CADPS: variants seen among roughly 807,000 people sequenced by gnomAD.
CADPS encodes the protein calcium dependent secretion activator.
Under a neutral mutation model 167.3 loss-of-function variants are expected in CADPS, and 57 were observed. The observed-to-expected ratio is 0.34, with a 90% CI of 0.28 to 0.42. CADPS has a LOEUF of 0.42. Among genes scored for constraint, CADPS ranks in the 20% least tolerant of loss-of-function variants. The pLI is 1.00. For synonymous variants in CADPS, 676 were observed against 635.3 expected (o/e 1.06, Z -0.96); for missense variants, 1,414 against 1,738.1 (o/e 0.81, Z 3.32).
At chr3:62,597,959 T>C (rs2059158845) in intron 6 of CADPS, among the ~76,000 whole-genome samples, 1 of 152,034 alleles carries the variant, frequency 6.6e-6, no homozygotes, top group Admixed American at 6.6e-5. Context: ...AAATAAAAAA[T>C]GCAGATCTCC....
At chr3:62,737,520 T>G (rs1034911969) in intron 3 of CADPS, among the ~76,000 whole-genome samples, 1 of 151,852 alleles carries the variant, frequency 6.6e-6, no homozygotes, top group Non-Finnish European at 1.5e-5. Flanking sequence ...AAGAGTCATA[T>G]CAAGATTCTA....
At chr3:62,630,126 T>C (rs1329204481) in intron 6 of CADPS, among the ~76,000 whole-genome samples, 1 of 152,192 alleles carries the variant, frequency 6.6e-6, no homozygotes, top group Non-Finnish European at 1.5e-5. Flanking sequence ...TCTTGCTAAT[T>C]GGTGTATCCC....
At chr3:62,633,223 C>T (rs1182882429) in intron 6 of CADPS, among the ~76,000 whole-genome samples, 1 of 152,134 alleles carries the variant, frequency 6.6e-6, no homozygotes, top group Non-Finnish European at 1.5e-5. Context: ...GTGTCTTGAA[C>T]CTGTCCCTCT....
intron 14 of CADPS, among the ~76,000 whole-genome samples, chr3:62,516,956 A>C (rs1274694366): frequency 6.6e-6 from 1 of 152,138 alleles, no homozygotes; most frequent in Non-Finnish European, 1.5e-5. Flanking sequence ...ATGTGACCTT[A>C]TATGTTATTA....
At chr3:62,873,186 G>C (rs2153225175) in intron 1 of CADPS, among the ~76,000 whole-genome samples, 1 of 152,356 alleles carries the variant, frequency 6.6e-6, no homozygotes, top group East Asian at 1.9e-4. Flanking sequence ...CCAAGCTCGT[G>C]ATGGCTGAAA....
chr3:62,804,114 C>T (rs1230443592), intron 1 of CADPS, among the ~76,000 whole-genome samples: 1 of 152,100 alleles, frequency 6.6e-6, no homozygotes, highest in African/African-American at 2.4e-5. Context: ...TATTAATTTG[C>T]TTGCTTACTT....
chr3:62,691,311 T>C (rs949188076), intron 3 of CADPS, among the ~76,000 whole-genome samples: 1 of 152,020 alleles, frequency 6.6e-6, no homozygotes, highest in East Asian at 1.9e-4. Flanking sequence ...CGAACCCTAA[T>C]GTAAACCATG....
At chr3:62,426,595 T>A (rs899445922) in intron 28 of CADPS, among the ~76,000 whole-genome samples, 1 of 152,250 alleles carries the variant, frequency 6.6e-6, no homozygotes, top group African/African-American at 2.4e-5. Flanking sequence ...AAAAGCTACC[T>A]ACTGTTTTTA....
intron 28 of CADPS, among the ~76,000 whole-genome samples, chr3:62,423,519 T>G (rs920744181): frequency 6.6e-6 from 1 of 152,216 alleles, no homozygotes; most frequent in Non-Finnish European, 1.5e-5. Flanking sequence ...AAGCACATAT[T>G]TGAATAGTGT....
chr3:62,616,793 A>C (rs977111068), intron 6 of CADPS, among the ~76,000 whole-genome samples: 1 of 152,208 alleles, frequency 6.6e-6, no homozygotes, highest in African/African-American at 2.4e-5. Flanking sequence ...AAGGCTGAGG[A>C]AAGTTTTCGT....
chr3:62,857,886 TA>T, intron 1 of CADPS, among the ~76,000 whole-genome samples: 1 of 152,272 alleles, frequency 6.6e-6, no homozygotes, highest in South Asian at 2.1e-4. Context: ...TACTTTATGC[TA>T]AAACATGATT....
intron 6 of CADPS, among the ~76,000 whole-genome samples, chr3:62,636,387 C>T (rs2066306534): frequency 2.0e-5 from 3 of 152,162 alleles, no homozygotes; most frequent in Admixed American, 2.0e-4. Flanking sequence ...TAAAGACTGC[C>T]TGAAATAGCT....
At position 62,785,338 on chromosome 3, in the gene CADPS, T is replaced by A. The variant is rs550620290; in HGVS notation, c.442-19354A>T. ...GTAACTTTCCCACCATGATCATGTTTCATCTCAACCTCCTAGCACTGTGAG... is the reference window on the plus strand; with the variant it reads ...GTAACTTTCCCACCATGATCATGTTACATCTCAACCTCCTAGCACTGTGAG... On this transcript the variant is annotated intron_variant, in intron 1 of 29. Coordinates refer to ENST00000383710, the MANE Select transcript of CADPS (RefSeq NM_003716.4). Among the ~76,000 whole-genome samples the A allele has an allele frequency of 4.6e-5, 7 of 152,334 alleles. No homozygotes were observed. The South Asian group carries it at 1.4e-3, about 32-fold the overall frequency.
chr3:62,726,917 C>T (rs942509536), intron 3 of CADPS, among the ~76,000 whole-genome samples: 2 of 151,616 alleles, frequency 1.3e-5, no homozygotes, highest in African/African-American at 4.9e-5. Context: ...GGTTTTTGCA[C>T]GCATCTCTTT....
chr3:62,747,814 T>C (rs575783769), intron 3 of CADPS, among the ~76,000 whole-genome samples: 10 of 152,246 alleles, frequency 6.6e-5, no homozygotes, highest in East Asian at 1.9e-4. Flanking sequence ...CTGCTGCCAG[T>C]TGGGCACATG....
chr3:62,526,838 T>C (rs1464141273), intron 13 of CADPS, among the ~76,000 whole-genome samples: 2 of 152,190 alleles, frequency 1.3e-5, no homozygotes, highest in East Asian at 3.9e-4. Flanking sequence ...TTTTAACTCA[T>C]GAAGTTTGGG....
In CADPS at chr3:62,859,222, A is replaced by G. The variant is rs141292953; in HGVS notation, c.441+15367T>C. Among the ~76,000 whole-genome samples, 680 of 152,276 alleles carry G rather than the reference A, an allele frequency of 4.5e-3. 6 individuals carry two copies. Among genetic ancestry groups the G allele is most frequent in the African/African-American group, 0.016 (645 of 41,552 alleles). ...GTGATTCTTACACTATAATTTATTT[A>G]TTGCCAGGTCATAAGGAAGTAAACA... On this transcript the variant is annotated intron_variant, in intron 1 of 29. Coordinates refer to ENST00000383710, the MANE Select transcript of CADPS (RefSeq NM_003716.4).
rs371451431 is a variant in CADPS, at chr3:62,855,888, T to G, written c.441+18701A>C. Among the ~76,000 whole-genome samples, 6 of 152,324 alleles carry G rather than the reference T, an allele frequency of 3.9e-5. No individual in the cohort carries two copies. In the East Asian group the frequency reaches 1.2e-3, roughly 29 times the overall value. On this transcript the variant is annotated intron_variant, in intron 1 of 29. Coordinates refer to ENST00000383710, the MANE Select transcript of CADPS (RefSeq NM_003716.4). ...AAAACTCCTTTAGATTTTTATACTTTTTCCCTAAAAATTTTATTGTAGTTT... is the reference window on the plus strand; with the variant it reads ...AAAACTCCTTTAGATTTTTATACTTGTTCCCTAAAAATTTTATTGTAGTTT...
chr3:62,697,285 C>A (rs1206621830), intron 3 of CADPS, among the ~76,000 whole-genome samples: 1 of 151,864 alleles, frequency 6.6e-6, no homozygotes, highest in Non-Finnish European at 1.5e-5. Context: ...CCCCTGAGTC[C>A]CCAAAATCCA....
Sources: allele counts gnomAD v4.1 joint callset (sites outside exome capture counted in the v4.1 genomes callset), GRCh38; gene constraint gnomAD v4.1.1; transcripts MANE v1.5; gene names NCBI Gene and HGNC (gene_info 2026-07-23, HGNC 2026-07-21).